The following ZNF131 variants were observed in gnomAD, a reference collection of about 807,000 sequenced individuals.
ZNF131 encodes zinc finger and BTB domain containing 35.
A neutral mutation model predicts 60.0 loss-of-function variants in ZNF131; 7 were observed. The observed-to-expected ratio is 0.12, with a 90% confidence interval of 0.07 to 0.22. ZNF131 has a LOEUF of 0.22. Ranked by LOEUF, ZNF131 falls within the 10% of genes least tolerant of loss-of-function variation. The pLI is 1.00. For missense variants in ZNF131, 493 were observed against 740.9 expected (o/e 0.67, Z 3.88); for synonymous variants, 257 against 253.2 (o/e 1.01, Z -0.14).
At chr5:43,143,047 A>G (rs1269315044) in intron 4 of ZNF131, among the ~76,000 whole-genome samples, 2 of 144,522 alleles carry the variant, frequency 1.4e-5, no homozygotes, top group Admixed American at 7.0e-5. Context: ...TTTTTTGAAG[A>G]CAGAGTCTCA....
intron 6 of ZNF131, 93 bp downstream of exon 6, chr5:43,173,541 A>G (rs1449464972): frequency 1.8e-5 from 26 of 1,442,280 alleles, no homozygotes; most frequent in Non-Finnish European, 2.4e-5. Flanking sequence ...AAGCAAAGGT[A>G]TAGGGGCTGA....
intron 5 of ZNF131, among the ~76,000 whole-genome samples, chr5:43,165,552 C>G (rs1360658231): frequency 6.6e-6 from 1 of 152,176 alleles, no homozygotes; most frequent in Non-Finnish European, 1.5e-5. Context: ...TGAAAGGAGT[C>G]TTCTGAGCAG....
At chr5:43,129,029 G>A (rs1744962591) in intron 3 of ZNF131, among the ~76,000 whole-genome samples, 1 of 152,102 alleles carries the variant, frequency 6.6e-6, no homozygotes, top group Non-Finnish European at 1.5e-5. Flanking sequence ...CGCCTCCCGG[G>A]TTCAAGCAAT....
chr5:43,133,247 T>C (rs1356027788), intron 3 of ZNF131, among the ~76,000 whole-genome samples: 2 of 152,068 alleles, frequency 1.3e-5, no homozygotes, highest in Non-Finnish European at 2.9e-5. Context: ...GGACGGATCA[T>C]GAGGTCAGGA....
At chr5:43,132,353 A>G (rs1346554489) in intron 3 of ZNF131, among the ~76,000 whole-genome samples, 1 of 152,088 alleles carries the variant, frequency 6.6e-6, no homozygotes, top group African/African-American at 2.4e-5. Context: ...TGGTCTTTTT[A>G]TATTTTATGG....
intron 4 of ZNF131, among the ~76,000 whole-genome samples, chr5:43,139,964 C>T (rs983730231): frequency 2.6e-5 from 4 of 152,054 alleles, no homozygotes; most frequent in African/African-American, 4.8e-5. Flanking sequence ...GCCTGTAATC[C>T]CAGCACTTTG....
chr5:43,131,770 A>G (rs1397843637), intron 3 of ZNF131, among the ~76,000 whole-genome samples: 5 of 151,784 alleles, frequency 3.3e-5, no homozygotes, highest in African/African-American at 1.2e-4. Flanking sequence ...CCATCCTACC[A>G]CCAGAGAATA....
chr5:43,158,233 G>A (rs1339109243), intron 4 of ZNF131, among the ~76,000 whole-genome samples: 1 of 152,148 alleles, frequency 6.6e-6, no homozygotes, highest in Non-Finnish European at 1.5e-5. Context: ...CTCCCAGAGT[G>A]CTGGGATTAC....
rs1314549994 is a variant in ZNF131, at chr5:43,175,199, C to T, written c.*66C>T. On this transcript the variant is annotated 3_prime_UTR_variant, in exon 7 of 7. Transcript: ENST00000682664. ...TTTGAACTGATTATGGGCAGTTTGA[C>T]TGTCCTTAATTAAGCCTAACAGACA... The T allele has an allele frequency of 6.9e-7, 1 of 1,443,460 alleles. No homozygotes were observed. The highest frequency in any genetic ancestry group is 9.2e-7 in the Non-Finnish European group (1 of 1,082,406). The allele number at this position is 1,443,460 out of a possible 1,614,324, so 89.4% of individuals were successfully genotyped here. A position where few individuals can be genotyped will look rare whatever the true frequency, so the allele number is the denominator to read the frequency against.
At chr5:43,159,065 G>A (rs1391088281) in intron 4 of ZNF131, among the ~76,000 whole-genome samples, 1 of 152,070 alleles carries the variant, frequency 6.6e-6, no homozygotes, top group Non-Finnish European at 1.5e-5. Context: ...TTCCCCTCAA[G>A]TCCCACAAGA....
chr5:43,134,521 A>C (rs1051470118), intron 3 of ZNF131, among the ~76,000 whole-genome samples: 1 of 152,140 alleles, frequency 6.6e-6, no homozygotes, highest in Non-Finnish European at 1.5e-5. Context: ...AGGCAAGAAA[A>C]AGAAGTAAAT....
At chr5:43,167,532 T>A (rs1224565751) in intron 5 of ZNF131, among the ~76,000 whole-genome samples, 1 of 152,164 alleles carries the variant, frequency 6.6e-6, no homozygotes, top group Non-Finnish European at 1.5e-5. Context: ...ATTTTGCATA[T>A]TTTTATTAGT....
intron 3 of ZNF131, among the ~76,000 whole-genome samples, chr5:43,132,454 A>G (rs1371534528): frequency 2.6e-5 from 4 of 151,372 alleles, no homozygotes; most frequent in Non-Finnish European, 5.9e-5. Context: ...CACTCAGTTC[A>G]TGGAAGAGCT....
chr5:43,129,460 C>T (rs891468593), intron 3 of ZNF131, among the ~76,000 whole-genome samples: 6 of 152,070 alleles, frequency 3.9e-5, no homozygotes, highest in East Asian at 1.9e-4. Flanking sequence ...CAAATCTTCT[C>T]GGAGGCCAGA....
chr5:43,124,530 A>C (rs909312216), intron 3 of ZNF131: 1 of 152,188 alleles, frequency 6.6e-6, no homozygotes, highest in Non-Finnish European at 1.5e-5. Context: ...CAGCTAGAGT[A>C]TCTTTTAATA....
At chr5:43,132,505 C>CTTTTTTTTTT (rs4050538) in intron 3 of ZNF131, among the ~76,000 whole-genome samples, 2 of 93,504 alleles carry the variant, frequency 2.1e-5, no homozygotes, top group African/African-American at 4.2e-5. Flanking sequence ...GAATGGTATT[C>CTTTTTTTTTT]TTTTTTTTTT....
rs185690124 is a variant in ZNF131, at chr5:43,174,086, G to A, written c.1186-361G>A. On this transcript the variant is annotated intron_variant, in intron 6 of 6. Transcript: ENST00000682664. ...CTACTAAAAATACAAAAGTTAGCCA[G>A]GCGTGGTGGCAGATGCCTGTAATCC... Among the ~76,000 whole-genome samples, 6 of 152,308 alleles carry A rather than the reference G, an allele frequency of 3.9e-5. No individual in the cohort carries two copies. The East Asian group carries it at 9.6e-4, about 24-fold the overall frequency.
At chr5:43,126,437 C>T (rs1037033162) in intron 3 of ZNF131, among the ~76,000 whole-genome samples, 3 of 152,168 alleles carry the variant, frequency 2.0e-5, no homozygotes, top group African/African-American at 7.2e-5. Context: ...CGCCTTTCCT[C>T]TGCCGCCTTG....
rs2112066380 is a variant in ZNF131, at chr5:43,120,947, C to T, written c.-192C>T. 1 of 152,348 alleles carries T rather than the reference C, an allele frequency of 6.6e-6. No individual in the cohort carries two copies. The highest frequency in any genetic ancestry group is 6.5e-5 in the Admixed American group (1 of 15,300). 9.4% of individuals were successfully genotyped at this position (152,348 alleles called of 1,614,324 possible). On this transcript the variant is annotated 5_prime_UTR_variant, in exon 1 of 7. Transcript: ENST00000682664. The stretch of plus-strand genomic sequence containing the variant: ...GGCCGCCCGGGTGCCCAACCGAACG[C>T]ACGTGCGCCAGCGGGGCCCGAGCAG...
Sources: gnomAD v4.1 joint callset for allele counts (sites outside exome capture counted in the v4.1 genomes callset) on GRCh38, gnomAD v4.1.1 for gene constraint, MANE v1.5 for transcripts, NCBI Gene and HGNC (gene_info 2026-07-23, HGNC 2026-07-21) for gene names.